Variants in WRN observed in about 807,000 individuals in gnomAD.
The protein encoded by WRN is bifunctional 3'-5' exonuclease/ATP-dependent helicase WRN.
Under a neutral mutation model 180.7 loss-of-function variants are expected in WRN, and 149 were observed. That is an observed-to-expected ratio of 0.82 (90% CI 0.72 to 0.94). The LOEUF is 0.94. WRN is among the 40% of genes least tolerant of loss of function. WRN has a pLI of 0.00. For synonymous variants in WRN, 548 were observed against 568.9 expected, an observed-to-expected ratio of 0.96 and a Z score of 0.52; for missense variants, 1,661 against 1,700.1, an observed-to-expected ratio of 0.98 and a Z score of 0.40.
rs572219655 is a variant in WRN, at chr8:31,125,599, A to G, written c.2825+599A>G. Among the ~76,000 whole-genome samples the G allele has an allele frequency of 1.0e-3, 132 of 129,020 alleles. 6 individuals are homozygous for G. The South Asian group carries it at 0.034, about 33-fold the overall frequency. 84.6% of individuals were successfully genotyped at this position (129,020 alleles called of 152,430 possible). On this transcript the variant is annotated intron_variant, in intron 23 of 34. Coordinates refer to ENST00000298139, the MANE Select transcript of WRN (RefSeq NM_000553.6). ...AGGGAAAGGAAGAACAAATATGGGG[A>G]GAGAGGGATGAGGCGACTGATTTTG...
chr8:31,164,080 C>T (rs1182183318), intron 33 of WRN, among the ~76,000 whole-genome samples: 1 of 152,128 alleles, frequency 6.6e-6, no homozygotes, highest in Non-Finnish European at 1.5e-5. Context: ...TTAAGCGATC[C>T]TCCCACCTCA....
intron 6 of WRN, among the ~76,000 whole-genome samples, chr8:31,067,388 A>G (rs1249858429): frequency 6.6e-6 from 1 of 152,210 alleles, no homozygotes; most frequent in African/African-American, 2.4e-5. Context: ...AGATTGTTCA[A>G]TGCTAGTTTA....
chr8:31,059,962 A>G (rs1263988036), intron 3 of WRN, among the ~76,000 whole-genome samples: 1 of 151,894 alleles, frequency 6.6e-6, no homozygotes, highest in Non-Finnish European at 1.5e-5. Context: ...AGGCTGAAGC[A>G]GGAGAATCGC....
intron 18 of WRN, among the ~76,000 whole-genome samples, 162 bp from the exon 19 acceptor site, chr8:31,111,453 A>G (rs11574287): frequency 1.3e-5 from 2 of 152,212 alleles, no homozygotes; most frequent in Admixed American, 1.3e-4. Context: ...CTGAGAAACA[A>G]GTTAGTAGGG....
chr8:31,147,630 CT>C, intron 30 of WRN, among the ~76,000 whole-genome samples, 154 bp downstream of exon 30: 1 of 152,302 alleles, frequency 6.6e-6, no homozygotes, highest in Middle Eastern at 3.4e-3. Context: ...CTTTGCCAAG[CT>C]TTAGTACCGT....
chr8:31,175,831 A>G lies in WRN; in HGVS notation c.*2729A>G, dbSNP rs146174111. On this transcript the variant is annotated 3_prime_UTR_variant, in exon 35 of 35. Transcript: ENST00000298139. ...AACAATGCTGCTGTTCTCAGTTTTT[A>G]AAAATATGTTTTTTAAAAGTATTTA... 5.9e-5 allele frequency among the ~76,000 whole-genome samples: 9 copies of G among 152,354 alleles called. No homozygotes were observed. Among genetic ancestry groups the G allele is most frequent in the African/African-American group, 2.2e-4 (9 of 41,586 alleles).
intron 33 of WRN, among the ~76,000 whole-genome samples, chr8:31,160,809 C>T (rs1803580759): frequency 6.6e-6 from 1 of 151,940 alleles, no homozygotes; most frequent in Non-Finnish European, 1.5e-5. Context: ...CATGGTGAAA[C>T]CCCGTCTCTA....
At chr8:31,113,156 A>G (rs1264966413) in intron 19 of WRN, among the ~76,000 whole-genome samples, 1 of 150,570 alleles carries the variant, frequency 6.6e-6, no homozygotes, top group East Asian at 2.0e-4. Context: ...CAGTGAGCTG[A>G]GATCACACCA....
chr8:31,132,610 G>A (rs2130378445), intron 24 of WRN, 104 bp downstream of exon 24: 1 of 1,495,676 alleles, frequency 6.7e-7, no homozygotes. Context: ...ACTTCAGATG[G>A]GTGACTAGGA....
At position 31,054,283 on chromosome 8, in the gene WRN, G is replaced by A. The variant is rs1186313444; in HGVS notation, c.-76-4089G>A. On this transcript the variant is annotated intron_variant, in intron 1 of 34. Transcript: ENST00000298139. The stretch of plus-strand genomic sequence containing the variant: ...AAACTGAAGAAAGTAACTGATGAAA[G>A]TAAGGTGAAAGGGAAAACAACTTTT... Among the ~76,000 whole-genome samples the A allele has an allele frequency of 4.6e-5, 7 of 152,296 alleles. No individual in the cohort carries two copies. The East Asian group carries it at 1.3e-3, about 29-fold the overall frequency.
At chr8:31,090,706 G>C (rs2130172509) in intron 14 of WRN, 128 bp from the exon 15 acceptor site, 3 of 1,047,338 alleles carry the variant, frequency 2.9e-6, no homozygotes, top group Non-Finnish European at 4.2e-6. Flanking sequence ...TTAGCTTTTA[G>C]GAAGATAGCA....
At chr8:31,128,770 A>T (rs1425395514) in intron 23 of WRN, among the ~76,000 whole-genome samples, 1 of 152,114 alleles carries the variant, frequency 6.6e-6, no homozygotes, top group Non-Finnish European at 1.5e-5. Flanking sequence ...GAGGCAGGAG[A>T]ATGGTGTGAA....
intron 3 of WRN, among the ~76,000 whole-genome samples, chr8:31,061,983 C>T (rs149607265): frequency 2.0e-5 from 3 of 152,268 alleles, no homozygotes; most frequent in Non-Finnish European, 4.4e-5. Flanking sequence ...AACTCTGCCC[C>T]GTGAGTTCCA....
intron 23 of WRN, among the ~76,000 whole-genome samples, chr8:31,127,584 T>G (rs923431078): frequency 2.0e-5 from 3 of 151,758 alleles, no homozygotes; most frequent in African/African-American, 7.3e-5. Flanking sequence ...TTATGCACCT[T>G]TAAAAAAAAA....
chr8:31,142,342 G>C (rs1327803274), intron 26 of WRN, among the ~76,000 whole-genome samples: 2 of 152,126 alleles, frequency 1.3e-5, no homozygotes, highest in African/African-American at 4.8e-5. Flanking sequence ...TCAATGCGGA[G>C]GAATCCATAT....
chr8:31,112,578 T>C (rs1275864643), intron 19 of WRN, among the ~76,000 whole-genome samples: 2 of 152,132 alleles, frequency 1.3e-5, no homozygotes, highest in Admixed American at 6.5e-5. Context: ...TATATTTTAC[T>C]TTTTATAAGC....
chr8:31,049,716 A>G (rs1271481916), intron 1 of WRN, among the ~76,000 whole-genome samples: 2 of 152,020 alleles, frequency 1.3e-5, no homozygotes, highest in Admixed American at 1.3e-4. Flanking sequence ...ATTCATATGG[A>G]TTTGCTATTT....
chr8:31,093,360 C>T (rs967961758), intron 16 of WRN, among the ~76,000 whole-genome samples: 1 of 152,128 alleles, frequency 6.6e-6, no homozygotes, highest in Non-Finnish European at 1.5e-5. Flanking sequence ...CTTGGCTTTC[C>T]AAAGTGCCGG....
rs763136722 is a variant in WRN, at chr8:31,068,337, G to C, written c.724+10G>C. 1.1e-5 allele frequency: 17 copies of C among 1,592,996 alleles called. No individual in the cohort carries two copies. The highest frequency in any genetic ancestry group is 1.4e-5 in the Non-Finnish European group (16 of 1,162,836). ...TTTGCTATAAATAAAGGTATGTTAA[G>C]ATCCATAAATAAAATGTGAATTCAC... is the stretch of plus-strand genomic sequence containing the variant. On this transcript the variant is annotated intron_variant, in intron 7 of 34. Transcript: ENST00000298139.
Sources: allele counts gnomAD v4.1 joint callset (sites outside exome capture counted in the v4.1 genomes callset), GRCh38; gene constraint gnomAD v4.1.1; transcripts MANE v1.5; gene names NCBI Gene and HGNC (gene_info 2026-07-23, HGNC 2026-07-21).